The following ZDHHC11 variants were observed in gnomAD, a reference collection of about 807,000 sequenced individuals.
The protein encoded by ZDHHC11 is zDHHC palmitoyltransferase 11.
Under a neutral mutation model 51.3 loss-of-function variants are expected in ZDHHC11, and 44 were observed. The observed-to-expected ratio is 0.86, with a 90% CI of 0.67 to 1.10. The LOEUF (loss-of-function observed/expected upper bound fraction) is 1.10, where lower values mean the gene tolerates loss of function less well. Ranked by LOEUF, ZDHHC11 falls within the 50% of genes least tolerant of loss-of-function variation. The probability of loss-of-function intolerance (pLI) is 0.00; values close to 1 mark genes in which losing one functional copy is unlikely to be tolerated. For missense variants in ZDHHC11, 400 were observed against 537.7 expected (o/e 0.74, Z 2.53); for synonymous variants, 163 against 222.0 (o/e 0.73, Z 2.36).
chr5:808,734 GTCGC>G (rs1318434088), intron 11 of ZDHHC11, among the ~76,000 whole-genome samples: 1 of 140,884 alleles, frequency 7.1e-6, no homozygotes, highest in East Asian at 2.0e-4. Context: ...GTCTTGCTCT[GTCGC>G]CCAGGCTGGA....
chr5:835,949 T>G (rs533560204), intron 6 of ZDHHC11, among the ~76,000 whole-genome samples: 79 of 151,988 alleles, frequency 5.2e-4, no homozygotes, highest in Non-Finnish European at 8.7e-4. Flanking sequence ...GTTAAGTGAT[T>G]TAATTATCTT....
At chr5:824,238 C>A in intron 8 of ZDHHC11, 1 of 341,740 alleles carries the variant, frequency 2.9e-6, no homozygotes. Flanking sequence ...GTCAAGGAAT[C>A]ACTTGAGATG....
chr5:850,773 G>A lies in ZDHHC11; in HGVS notation c.-171C>T, dbSNP rs893322633. 2 of 799,088 alleles carry A rather than the reference G, an allele frequency of 2.5e-6. No individual in the cohort carries two copies. The highest frequency in any genetic ancestry group is 2.7e-5 in the East Asian group (1 of 37,468). The allele number at this position is 799,088 out of a possible 1,614,324, so 49.5% of individuals were successfully genotyped here. ...TTCCCCGCAGAGGGAGCAGGGGCTGGGCTGGAGTCGGTGCAGGGCCCCGCC... is the reference window on the plus strand; with the variant it reads ...TTCCCCGCAGAGGGAGCAGGGGCTGAGCTGGAGTCGGTGCAGGGCCCCGCC... On this transcript the variant is annotated 5_prime_UTR_variant, in exon 1 of 13. Coordinates refer to ENST00000283441, the MANE Select transcript of ZDHHC11 (RefSeq NM_024786.3).
chr5:855,950 G>A (rs1385197448), upstream of ZDHHC11, among the ~76,000 whole-genome samples: 1 of 150,436 alleles, frequency 6.6e-6, no homozygotes, highest in Admixed American at 6.6e-5. Context: ...ACCCCACAGA[G>A]GACAGACAGT....
rs1161740691 is a variant in ZDHHC11 at position 808,701 on chromosome 5, A to ATTT, written c.1181+6057_1181+6059dup. ...AGGAGCATGCCATCAAACCTAGCTAATTTTTTTTTTTTTTTTGAGACAGTC... is the reference window on the plus strand; with the variant it reads ...AGGAGCATGCCATCAAACCTAGCTAATTTTTTTTTTTTTTTTTTTGAGACAGTC... On this transcript the variant is annotated intron_variant, in intron 11 of 12. Coordinates refer to ENST00000283441, the MANE Select transcript of ZDHHC11 (RefSeq NM_024786.3). Among the ~76,000 whole-genome samples the ATTT allele has an allele frequency of 2.9e-3, 376 of 129,128 alleles. 1 individual carries two copies. The highest frequency in any genetic ancestry group is 9.0e-3 in the African/African-American group (320 of 35,480). The allele number at this position is 129,128 out of a possible 152,430, so 84.7% of individuals were successfully genotyped here. A position where few individuals can be genotyped will look rare whatever the true frequency, so the allele number is the denominator to read the frequency against.
chr5:840,557 A>G lies in ZDHHC11; in HGVS notation c.722T>C (p.Leu241Pro), dbSNP rs760950399. Residue 241 changes from leucine to proline, a missense_variant, in exon 5 of 13, where the codon CTC (leucine) becomes CCC (proline). Physicochemically the swap from Leu to Pro is moderately conservative, Grantham distance 98 (BLOSUM62 -3). Coordinates refer to ENST00000283441, the MANE Select transcript of ZDHHC11 (RefSeq NM_024786.3). ...LIVVIIGMLV[L>P]LLDFLGLVHL... is the part of the protein sequence containing the mutation. ...CACCAAGCCAAGAAAGTCCAGCAGG[A>G]GCACGAGCATCCCGATGATCACGAC... 6.2e-7 allele frequency: 1 copy of G among 1,613,896 alleles called. No homozygotes were observed. Among genetic ancestry groups the G allele is most frequent in the Non-Finnish European group, 8.5e-7 (1 of 1,179,874 alleles).
intron 11 of ZDHHC11, among the ~76,000 whole-genome samples, chr5:807,333 A>C (rs1739412020): frequency 6.6e-6 from 1 of 151,242 alleles, no homozygotes; most frequent in Admixed American, 6.6e-5. Context: ...ATCTATATAG[A>C]TATCTAAGGA....
intron 11 of ZDHHC11, 22 bp downstream of exon 11, chr5:814,739 C>T (rs923964435): frequency 1.3e-6 from 2 of 1,547,488 alleles, no homozygotes; most frequent in Non-Finnish European, 1.7e-6. Flanking sequence ...ACAAAACGTT[C>T]CCGTTAAACT....
chr5:821,893 T>G lies in ZDHHC11; in HGVS notation c.1026A>C (p.Glu342Asp), dbSNP rs762766922. 1 of 1,604,712 alleles carries G rather than the reference T, an allele frequency of 6.2e-7. No individual in the cohort carries two copies. Among genetic ancestry groups the G allele is most frequent in the South Asian group, 1.1e-5 (1 of 89,930 alleles). Residue 342 changes from glutamate (E) to aspartate (D), a missense_variant and splice_region_variant, in exon 9 of 13, where the codon GAA becomes GAC. By Grantham distance (45) the Glu-to-Asp change is conservative (BLOSUM62 2). This residue lies in a region of ZDHHC11 where 231 missense variants were observed against 227.4 expected (regional missense o/e 1.02). Transcript: ENST00000283441. Reference protein sequence around the residue: ...VNQDGDSTAREGDEDPCPSAL... With the variant: ...VNQDGDSTARDGDEDPCPSAL... ...CAGATGGACACGGGTCTTCATCCCC[T>G]TCCTGTGGGGAAGTGAAGCAAAATT...
chr5:825,272 A>T lies in ZDHHC11; in HGVS notation c.936-21T>A, dbSNP rs370998147. The T allele has an allele frequency of 5.4e-5, 87 of 1,608,596 alleles. No individual in the cohort carries two copies. In the African/African-American group the frequency reaches 1.1e-3, roughly 20 times the overall value. ...TGACTCTGGTGGGACAGAAAGGAGG[A>T]GAGAAACTCATCTCAGCTTTGTAGG... On this transcript the variant is annotated intron_variant, in intron 7 of 12. Transcript: ENST00000283441.
At chr5:834,448 A>G (rs967229562) in intron 6 of ZDHHC11, among the ~76,000 whole-genome samples, 1 of 152,280 alleles carries the variant, frequency 6.6e-6, no homozygotes, top group African/African-American at 2.4e-5. Context: ...CACTGAGATT[A>G]TAGGTGCTTC....
intron 7 of ZDHHC11, among the ~76,000 whole-genome samples, chr5:829,281 G>C (rs1392891760): frequency 6.6e-6 from 1 of 151,146 alleles, no homozygotes; most frequent in Non-Finnish European, 1.5e-5. Flanking sequence ...GAAGAGAAAA[G>C]ATCCAAATAA....
chr5:819,601 C>T lies in ZDHHC11; in HGVS notation c.1070G>A (p.Arg357Lys). ...PCPSALGAKA[R>K]NSRLICRRLC... is the part of the protein sequence containing the mutation. ...GCGCCTGCAAATCAGCCGGGAGTTC[C>T]TGGCCTTGGCTCTGGTGGGGCAAAC... The change falls in exon 10 of 13, where the codon AGG (arginine) becomes AAG (lysine). Residue 357 changes from arginine (R) to lysine (K), a missense_variant. Arg to Lys is a conservative substitution (Grantham distance 26). Transcript: ENST00000283441. 6.2e-7 allele frequency: 1 copy of T among 1,609,436 alleles called. No homozygotes were observed. Among genetic ancestry groups the T allele is most frequent in the African/African-American group, 1.3e-5 (1 of 74,854 alleles).
intron 6 of ZDHHC11, among the ~76,000 whole-genome samples, chr5:834,590 G>A (rs1322075405): frequency 1.3e-5 from 2 of 152,282 alleles, no homozygotes; most frequent in Non-Finnish European, 2.9e-5. Context: ...ATCAGTCTAA[G>A]ACTTGAAAAT....
upstream of ZDHHC11, among the ~76,000 whole-genome samples, chr5:853,034 C>G (rs1488052104): frequency 5.0e-3 from 360 of 71,290 alleles, no homozygotes; most frequent in Middle Eastern, 0.028. Flanking sequence ...GAGCAGCGGG[C>G]ACAGACCCCA....
chr5:810,404 G>A (rs1739930469), intron 11 of ZDHHC11, among the ~76,000 whole-genome samples: 1 of 151,428 alleles, frequency 6.6e-6, no homozygotes, highest in African/African-American at 2.4e-5. Context: ...CAAACACGCA[G>A]ACCAGAATAT....
At chr5:805,995 C>G (rs1413866072) in intron 11 of ZDHHC11, among the ~76,000 whole-genome samples, 1 of 151,002 alleles carries the variant, frequency 6.6e-6, no homozygotes, top group Non-Finnish European at 1.5e-5. Flanking sequence ...CTCTGCCACC[C>G]CACAGGAGAT....
chr5:838,799 G>A (rs1275515452), intron 5 of ZDHHC11, among the ~76,000 whole-genome samples: 1 of 151,432 alleles, frequency 6.6e-6, no homozygotes, highest in Non-Finnish European at 1.5e-5. Flanking sequence ...TCCCTGCTCT[G>A]CCGCCTGAGG....
At chr5:844,303 T>G (rs1444763849) in intron 3 of ZDHHC11, among the ~76,000 whole-genome samples, 4 of 152,286 alleles carry the variant, frequency 2.6e-5, no homozygotes, top group Admixed American at 2.6e-4. Context: ...GCAAACGTGA[T>G]TGCCTTTAAT....
Sources: allele counts gnomAD v4.1 joint callset (sites outside exome capture counted in the v4.1 genomes callset), GRCh38; gene constraint gnomAD v4.1.1; regional missense constraint gnomAD v4.1.1; transcripts MANE v1.5; gene names NCBI Gene and HGNC (gene_info 2026-07-23, HGNC 2026-07-21).